Variants in SMIM31 observed in about 807,000 individuals in gnomAD.
SMIM31 encodes human epithelial cell program regulator.
At chr4:164,765,060 G>A (rs115633617) in intron 1 of SMIM31, among the ~76,000 whole-genome samples, 1 of 152,096 alleles carries the variant, frequency 6.6e-6, no homozygotes, top group Non-Finnish European at 1.5e-5. Flanking sequence ...GGTGATTTTT[G>A]ATTTTCTTTC....
intron 2 of SMIM31, among the ~76,000 whole-genome samples, chr4:164,776,129 C>G (rs1579066781): frequency 6.6e-6 from 1 of 152,164 alleles, no homozygotes; most frequent in Non-Finnish European, 1.5e-5. Flanking sequence ...CCTCCTCCCC[C>G]TCTACTTGAA....
chr4:164,795,025 G>A (rs1281277278), intron 2 of SMIM31, among the ~76,000 whole-genome samples: 3 of 151,870 alleles, frequency 2.0e-5, no homozygotes, highest in Non-Finnish European at 2.9e-5. Context: ...ACTTTGCAAT[G>A]AGAAAATAAA....
At chr4:164,764,016 T>A (rs72694080) in intron 1 of SMIM31, among the ~76,000 whole-genome samples, 5,711 of 152,272 alleles carry the variant, frequency 0.038, 201 homozygotes, top group East Asian at 0.16. Context: ...ATATTATTTA[T>A]AATAGTATAT....
In SMIM31 at chr4:164,803,441, C is replaced by T. The variant is rs1366434950; in HGVS notation, c.*2247C>T. ...TCAAAAAATAAAAAATTTTAAAAACCTGTCAAGTTAGATGTTAAAGAGGAC... is the reference window on the plus strand; with the variant it reads ...TCAAAAAATAAAAAATTTTAAAAACTTGTCAAGTTAGATGTTAAAGAGGAC... On this transcript the variant is annotated 3_prime_UTR_variant, in exon 3 of 3. Transcript: ENST00000507311. The T allele has an allele frequency of 6.6e-6, 1 of 151,808 alleles. No homozygotes were observed. The highest frequency in any genetic ancestry group is 1.5e-5 in the Non-Finnish European group (1 of 67,984). The allele number at this position is 151,808 out of a possible 1,614,324, so 9.4% of individuals were successfully genotyped here. A position where few individuals can be genotyped will look rare whatever the true frequency, so the allele number is the denominator to read the frequency against.
chr4:164,771,371 A>C (rs1560826061), intron 2 of SMIM31, among the ~76,000 whole-genome samples: 1 of 152,230 alleles, frequency 6.6e-6, no homozygotes, highest in Non-Finnish European at 1.5e-5. Flanking sequence ...CAGTTACTTT[A>C]ACTACATAAT....
At chr4:164,776,957 C>G (rs1272510817) in intron 2 of SMIM31, among the ~76,000 whole-genome samples, 1 of 152,154 alleles carries the variant, frequency 6.6e-6, no homozygotes, top group Non-Finnish European at 1.5e-5. Context: ...TACACTAAAT[C>G]TAAAATCCTC....
At chr4:164,774,883 C>T (rs1361622184) in intron 2 of SMIM31, among the ~76,000 whole-genome samples, 1 of 151,848 alleles carries the variant, frequency 6.6e-6, no homozygotes, top group Admixed American at 6.6e-5. Context: ...ACCATTTATT[C>T]TCAGATTAAA....
At chr4:164,781,730 G>A (rs1732951462) in intron 2 of SMIM31, among the ~76,000 whole-genome samples, 1 of 152,044 alleles carries the variant, frequency 6.6e-6, no homozygotes, top group Non-Finnish European at 1.5e-5. Flanking sequence ...GTTTTTCCCA[G>A]GTGAGACCCA....
At chr4:164,762,724 A>G (rs1200868036) in intron 1 of SMIM31, among the ~76,000 whole-genome samples, 1 of 152,034 alleles carries the variant, frequency 6.6e-6, no homozygotes, top group Non-Finnish European at 1.5e-5. Flanking sequence ...TCAGTATCTA[A>G]TCAGAGCGCA....
rs774612162 is a variant in SMIM31 at position 164,803,463 on chromosome 4, G to A, written c.*2269G>A. ...AACCTGTCAAGTTAGATGTTAAAGA[G>A]GACATGTAAAATAAAATCTCCCTAA... On this transcript the variant is annotated 3_prime_UTR_variant, in exon 3 of 3. Coordinates refer to ENST00000507311, the MANE Select transcript of SMIM31 (RefSeq NM_001352885.1). The A allele has an allele frequency of 2.0e-5, 3 of 152,050 alleles. No individual in the cohort carries two copies. Among genetic ancestry groups the A allele is most frequent in the African/African-American group, 7.2e-5 (3 of 41,410 alleles). The allele number at this position is 152,050 out of a possible 1,614,324, so 9.4% of individuals were successfully genotyped here.
intron 2 of SMIM31, among the ~76,000 whole-genome samples, chr4:164,772,870 G>A (rs748248664): frequency 4.6e-5 from 7 of 151,464 alleles, no homozygotes; most frequent in Admixed American, 3.9e-4. Context: ...GAGCCACCGC[G>A]CCCGGCCGGA....
Position 164,788,581 on chromosome 4 carries a change from C to T in SMIM31, c.113-12510C>T, listed in dbSNP as rs528273540. ...CTCGGCTCACAGCAACTTCCGCCTC[C>T]CTGGTTCAAGCAATTCTCCCACCTC... On this transcript the variant is annotated intron_variant, in intron 2 of 2. Transcript: ENST00000507311. 9.0e-5 allele frequency among the ~76,000 whole-genome samples: 13 copies of T among 145,124 alleles called. No homozygotes were observed. In the East Asian group the frequency reaches 1.8e-3, roughly 21 times the overall value.
At chr4:164,772,075 T>C (rs1380716700) in intron 2 of SMIM31, among the ~76,000 whole-genome samples, 1 of 152,200 alleles carries the variant, frequency 6.6e-6, no homozygotes, top group Non-Finnish European at 1.5e-5. Context: ...CTGGGTAATT[T>C]ATAAAGAAAA....
intron 1 of SMIM31, among the ~76,000 whole-genome samples, chr4:164,766,155 A>G (rs1176457925): frequency 6.6e-6 from 1 of 152,112 alleles, no homozygotes; most frequent in Non-Finnish European, 1.5e-5. Flanking sequence ...AGCAAGAAAA[A>G]CCATCAATCC....
At chr4:164,756,301 T>C (rs1366076218) in intron 1 of SMIM31, among the ~76,000 whole-genome samples, 2 of 152,156 alleles carry the variant, frequency 1.3e-5, no homozygotes, top group Non-Finnish European at 2.9e-5. Context: ...CCGGGTGCGG[T>C]GGCTCACGCC....
intron 1 of SMIM31, among the ~76,000 whole-genome samples, chr4:164,768,333 G>C (rs1269161960): frequency 6.7e-6 from 1 of 150,320 alleles, no homozygotes; most frequent in Non-Finnish European, 1.5e-5. Flanking sequence ...AGGAAGCTGA[G>C]GCAGAGAACT....
intron 2 of SMIM31, among the ~76,000 whole-genome samples, chr4:164,791,137 A>T (rs1367026335): frequency 6.6e-6 from 1 of 152,088 alleles, no homozygotes; most frequent in East Asian, 1.9e-4. Context: ...TTTGTTGTTA[A>T]TTTATAGCTA....
At chr4:164,765,524 A>C (rs1732708223) in intron 1 of SMIM31, among the ~76,000 whole-genome samples, 1 of 152,046 alleles carries the variant, frequency 6.6e-6, no homozygotes, top group African/African-American at 2.4e-5. Context: ...AAACGGAAAA[A>C]AGTGCCACTG....
intron 2 of SMIM31, among the ~76,000 whole-genome samples, chr4:164,786,060 C>T (rs1400519563): frequency 6.6e-6 from 1 of 152,070 alleles, no homozygotes; most frequent in Non-Finnish European, 1.5e-5. Flanking sequence ...GTAAAATAAA[C>T]CATTATCAAA....
Sources: gnomAD v4.1 joint callset for allele counts (sites outside exome capture counted in the v4.1 genomes callset) on GRCh38, gnomAD v4.1.1 for gene constraint, MANE v1.5 for transcripts, NCBI Gene and HGNC (gene_info 2026-07-23, HGNC 2026-07-21) for gene names.